CCDC7: variants seen among roughly 807,000 people sequenced by gnomAD.
CCDC7 encodes the protein coiled-coil domain containing 7.
Under a neutral mutation model 196.9 loss-of-function variants are expected in CCDC7, and 183 were observed. That is an observed-to-expected ratio of 0.93 (90% CI 0.82 to 1.05). CCDC7 has a LOEUF of 1.05. Ranked by LOEUF, CCDC7 falls within the 50% of genes least tolerant of loss-of-function variation. CCDC7 has a pLI of 0.00. For synonymous variants in CCDC7, 525 were observed against 484.6 expected, an observed-to-expected ratio of 1.08 and a Z score of -1.10; for missense variants, 1,540 against 1,482.2, an observed-to-expected ratio of 1.04 and a Z score of -0.64.
In CCDC7 at chr10:32,536,274, C is replaced by A. The variant is rs576149665; in HGVS notation, c.994-7026C>A. Among the ~76,000 whole-genome samples the A allele has an allele frequency of 8.0e-4, 122 of 152,254 alleles. 1 individual carries two copies. Among genetic ancestry groups the A allele is most frequent in the East Asian group, 7.7e-4 (4 of 5,174 alleles). On this transcript the variant is annotated intron_variant, in intron 11 of 41. Coordinates refer to ENST00000639629, the Ensembl canonical transcript of CCDC7. Reference sequence around the variant, plus strand: ...CAGTTAGTCTATGATCAGACCCCTGCAGAAATTACACCAGCCAGGCCTGTG... The same window carrying A: ...CAGTTAGTCTATGATCAGACCCCTGAAGAAATTACACCAGCCAGGCCTGTG...
At chr10:32,789,794 C>G (rs1322120756) in intron 29 of CCDC7, among the ~76,000 whole-genome samples, 1 of 152,164 alleles carries the variant, frequency 6.6e-6, no homozygotes, top group Non-Finnish European at 1.5e-5. Context: ...TTGATTCCAT[C>G]TGTCTTTCTT....
rs1017504076 is a variant in CCDC7 at position 32,700,393 on chromosome 10, T to C, written c.2458+5401T>C. Among the ~76,000 whole-genome samples, 3 of 147,018 alleles carry C rather than the reference T, an allele frequency of 2.0e-5. 1 individual carries two copies. Among genetic ancestry groups the C allele is most frequent in the African/African-American group, 8.2e-5 (3 of 36,466 alleles). ...TATGTGGCATTATTTCTGAGGGCTC[T>C]ATTGTGTTCCATTGGTCTATATCTC... On this transcript the variant is annotated intron_variant, in intron 24 of 41. Coordinates refer to ENST00000639629, the Ensembl canonical transcript of CCDC7.
At chr10:32,669,281 G>T (rs2073543484) in intron 21 of CCDC7, among the ~76,000 whole-genome samples, 1 of 152,070 alleles carries the variant, frequency 6.6e-6, no homozygotes, top group Non-Finnish European at 1.5e-5. Flanking sequence ...TGAATGTGCT[G>T]TCGAATTTAG....
chr10:32,493,361 TTTTATA>T (rs1035495891), intron 9 of CCDC7, among the ~76,000 whole-genome samples: 12 of 150,054 alleles, frequency 8.0e-5, no homozygotes, highest in African/African-American at 2.7e-4. Flanking sequence ...CTGGATAATA[TTTTATA>T]TTTATATTTA....
chr10:32,745,179 G>C (rs2074503961), intron 28 of CCDC7, among the ~76,000 whole-genome samples: 1 of 152,102 alleles, frequency 6.6e-6, no homozygotes, highest in African/African-American at 2.4e-5. Context: ...TGATCTATTT[G>C]TCTATTCTTT....
At chr10:32,583,387 G>A (rs2058931737) in intron 17 of CCDC7, 80 bp downstream of exon 18, 1 of 943,906 alleles carries the variant, frequency 1.1e-6, no homozygotes, top group Non-Finnish European at 1.4e-6. Flanking sequence ...ATTTAAATGG[G>A]TTAAAAATTC....
intron 28 of CCDC7, among the ~76,000 whole-genome samples, chr10:32,776,369 G>T (rs2080061447): frequency 6.7e-6 from 1 of 149,188 alleles, no homozygotes; most frequent in South Asian, 2.1e-4. Context: ...AAGAATAATG[G>T]TTTTTTTTTT....
intron 29 of CCDC7, among the ~76,000 whole-genome samples, chr10:32,780,663 A>C (rs1256981731): frequency 6.6e-6 from 1 of 152,180 alleles, no homozygotes; most frequent in Admixed American, 6.5e-5. Context: ...AGGAATCAAA[A>C]CATGTGCCTA....
At chr10:32,612,013 A>T (rs1361259027) in intron 18 of CCDC7, among the ~76,000 whole-genome samples, 7 of 152,160 alleles carry the variant, frequency 4.6e-5, no homozygotes, top group Admixed American at 2.6e-4. Context: ...TTGGGACAAT[A>T]TGGCCATTTT....
chr10:32,618,515 T>A (rs2063022845), intron 18 of CCDC7, among the ~76,000 whole-genome samples: 1 of 152,080 alleles, frequency 6.6e-6, no homozygotes, highest in African/African-American at 2.4e-5. Flanking sequence ...TCTAAGTATT[T>A]GCTTATCTGA....
intron 24 of CCDC7, among the ~76,000 whole-genome samples, chr10:32,709,865 AT>A (rs2080520218): frequency 6.6e-6 from 1 of 152,000 alleles, no homozygotes; most frequent in East Asian, 1.9e-4. Flanking sequence ...TAAAAATCTT[AT>A]CATTGACTGC....
At chr10:32,779,618 C>A (rs1258469605) in intron 29 of CCDC7, among the ~76,000 whole-genome samples, 1 of 152,118 alleles carries the variant, frequency 6.6e-6, no homozygotes, top group Non-Finnish European at 1.5e-5. Context: ...TAAGATAAAA[C>A]CAAAGTGTTC....
chr10:32,479,863 T>G (rs1007260507), intron 8 of CCDC7, among the ~76,000 whole-genome samples: 12 of 151,950 alleles, frequency 7.9e-5, no homozygotes, highest in African/African-American at 2.4e-4. Context: ...GTGGGGGATT[T>G]TATCACTGAG....
At position 32,702,771 on chromosome 10, in the gene CCDC7, G is replaced by A. The variant is rs146681836; in HGVS notation, c.2458+7779G>A. Among the ~76,000 whole-genome samples, 904 of 152,268 alleles carry A rather than the reference G, an allele frequency of 5.9e-3. 9 individuals carry two copies. The highest frequency in any genetic ancestry group is 0.021 in the African/African-American group (862 of 41,548). On this transcript the variant is annotated intron_variant, in intron 24 of 41. Transcript: ENST00000639629. ...GTTGATCCCTTTACCATTATGTAAT[G>A]GCCTTCTTTGTCTCTTTTGATCTTC... is the stretch of plus-strand genomic sequence containing the variant.
intron 16 of CCDC7, among the ~76,000 whole-genome samples, chr10:32,582,245 G>A (rs1211314620): frequency 1.3e-5 from 2 of 150,988 alleles, no homozygotes; most frequent in African/African-American, 4.9e-5. Flanking sequence ...ATAGGTGGCA[G>A]TAGGTACATT....
chr10:32,876,266 T>A, intron 41 of CCDC7, 81 bp from the exon 43 acceptor site: 1 of 1,009,466 alleles, frequency 9.9e-7, no homozygotes, highest in South Asian at 1.5e-5. Context: ...CTGTTTTCCA[T>A]GATATCATAT....
At chr10:32,747,955 G>A (rs374018739) in intron 28 of CCDC7, among the ~76,000 whole-genome samples, 60 of 152,138 alleles carry the variant, frequency 3.9e-4, no homozygotes, top group African/African-American at 1.4e-3. Context: ...AAGACATAGA[G>A]TCAACAAAGA....
chr10:32,751,306 AACTT>A (rs763450747), intron 28 of CCDC7, among the ~76,000 whole-genome samples: 7 of 151,974 alleles, frequency 4.6e-5, no homozygotes, highest in Non-Finnish European at 1.0e-4. Flanking sequence ...AATTAGGAGA[AACTT>A]ACTTCTTTCC....
chr10:32,776,340 G>T (rs1273942614), intron 28 of CCDC7, among the ~76,000 whole-genome samples: 2 of 151,914 alleles, frequency 1.3e-5, no homozygotes, highest in African/African-American at 4.8e-5. Context: ...GAGAATATCT[G>T]TCATGCATTT....
Sources: allele counts gnomAD v4.1 joint callset (sites outside exome capture counted in the v4.1 genomes callset), GRCh38; gene constraint gnomAD v4.1.1; transcripts MANE v1.5; gene names NCBI Gene and HGNC (gene_info 2026-07-23, HGNC 2026-07-21).